The following BCL2 variants were observed in gnomAD, a reference collection of about 807,000 sequenced individuals.
BCL2 encodes apoptosis regulator Bcl-2.
A neutral mutation model predicts 14.2 loss-of-function variants in BCL2; 1 was observed. The observed-to-expected ratio is 0.07, with a 90% CI of 0.02 to 0.33. BCL2 has a LOEUF of 0.33. Among genes scored for constraint, BCL2 ranks in the 10% least tolerant of loss-of-function variants. The pLI is 0.99. For synonymous variants in BCL2, 151 were observed against 137.2 expected (o/e 1.10, Z -0.70); for missense variants, 247 against 305.9 (o/e 0.81, Z 1.44).
At chr18:63,169,444 T>C (rs1915172062) in intron 2 of BCL2, among the ~76,000 whole-genome samples, 1 of 147,408 alleles carries the variant, frequency 6.8e-6, no homozygotes, top group Non-Finnish European at 1.5e-5. Flanking sequence ...TTTCTTTCTT[T>C]CCTTTCTCCC....
Position 63,318,899 on chromosome 18 carries a change from AG to A in BCL2, c.-234del. On this transcript the variant is annotated 5_prime_UTR_variant, in exon 2 of 3. Transcript: ENST00000333681. This position sits in a 1 kb window ranked among gnomAD's most constrained non-coding sequence, Gnocchi z 7.4. ...ATTCCTTTCGGATCTTTATTTCATG[AG>A]GCACGTTATTATTAGTAAGTATTGT... The A allele has an allele frequency of 7.1e-7, 1 of 1,412,060 alleles. No homozygotes were observed. The allele number at this position is 1,412,060 out of a possible 1,614,324, so 87.5% of individuals were successfully genotyped here.
intron 2 of BCL2, among the ~76,000 whole-genome samples, chr18:63,310,943 G>C (rs1913298525): frequency 6.6e-6 from 1 of 151,894 alleles, no homozygotes; most frequent in Non-Finnish European, 1.5e-5. Flanking sequence ...GATGCTGGCA[G>C]GAATCCATAA....
chr18:63,259,284 A>T (rs4987746), intron 2 of BCL2, among the ~76,000 whole-genome samples: 73,358 of 152,248 alleles, frequency 0.48, 18,001 homozygotes, highest in East Asian at 0.66. Context: ...ACAGAAAGAA[A>T]GCGGGCAGCG....
chr18:63,157,540 G>C (rs1254470891), intron 2 of BCL2, among the ~76,000 whole-genome samples: 1 of 152,216 alleles, frequency 6.6e-6, no homozygotes, highest in South Asian at 2.1e-4. Context: ...AGCGTTCGCT[G>C]TTTTCAGCGT....
rs1913829016 is a variant in BCL2 at position 63,123,521 on chromosome 18, A to G, written c.*5104T>C. 1 of 207,702 alleles carries G rather than the reference A, an allele frequency of 4.8e-6. No homozygotes were observed. The highest frequency in any genetic ancestry group is 7.3e-5 in the East Asian group (1 of 13,776). The allele number at this position is 207,702 out of a possible 1,614,324, so 12.9% of individuals were successfully genotyped here. On this transcript the variant is annotated 3_prime_UTR_variant, in exon 3 of 3. Coordinates refer to ENST00000333681, the MANE Select transcript of BCL2 (RefSeq NM_000633.3). Reference sequence around the variant, plus strand: ...GTAAAGTATCCTTACCGTATTTTTTATGTGTACAGTGTTGCAGAATATCAG... The same window carrying G: ...GTAAAGTATCCTTACCGTATTTTTTGTGTGTACAGTGTTGCAGAATATCAG...
intron 2 of BCL2, among the ~76,000 whole-genome samples, chr18:63,198,273 CAG>C (rs141062856): frequency 0.024 from 3,550 of 150,066 alleles, 59 homozygotes; most frequent in Non-Finnish European, 0.034. Flanking sequence ...CACACTGACA[CAG>C]AGACACACAT....
Position 63,125,140 on chromosome 18 carries a change from C to T in BCL2, c.*3485G>A, listed in dbSNP as rs546195385. 4.5e-6 allele frequency: 1 copy of T among 221,098 alleles called. No homozygotes were observed. The highest frequency in any genetic ancestry group is 1.8e-4 in the South Asian group (1 of 5,438). 13.7% of individuals were successfully genotyped at this position (221,098 alleles called of 1,614,324 possible). A position where few individuals can be genotyped will look rare whatever the true frequency, so the allele number is the denominator to read the frequency against. On this transcript the variant is annotated 3_prime_UTR_variant, in exon 3 of 3. Transcript: ENST00000333681. ...ATTTATAATCACTTCCTAATTTTTC[C>T]CACTGGGCCAGAGCTACATCTTTAG... is the stretch of plus-strand genomic sequence containing the variant.
At chr18:63,253,997 T>C (rs1365590247) in intron 2 of BCL2, among the ~76,000 whole-genome samples, 6 of 151,952 alleles carry the variant, frequency 3.9e-5, no homozygotes, top group African/African-American at 1.4e-4. Flanking sequence ...TTGAAATACA[T>C]ATAAAGTTAG....
chr18:63,220,819 G>GGA (rs1555701217), intron 2 of BCL2, among the ~76,000 whole-genome samples: 1 of 137,704 alleles, frequency 7.3e-6, no homozygotes, highest in Non-Finnish European at 1.6e-5. Flanking sequence ...TCTTCAAGGA[G>GGA]AAAAAAAAAA....
chr18:63,315,472 C>G (rs1019407310), intron 2 of BCL2: 8 of 152,196 alleles, frequency 5.3e-5, no homozygotes, highest in African/African-American at 1.4e-4. Flanking sequence ...ATTTCCTCAG[C>G]CTCACAAGGT....
chr18:63,158,340 T>C lies in BCL2; in HGVS notation c.586-29581A>G, dbSNP rs78549433. Among the ~76,000 whole-genome samples, 143 of 152,314 alleles carry C rather than the reference T, an allele frequency of 9.4e-4. 3 individuals carry two copies. The East Asian group carries it at 0.025, about 27-fold the overall frequency. Reference sequence around the variant, plus strand: ...AAGGCAGAAATAACCTGGTACTTTTTACCTGGTGGCCGAGTGACCTGGCCC... The same window carrying C: ...AAGGCAGAAATAACCTGGTACTTTTCACCTGGTGGCCGAGTGACCTGGCCC... On this transcript the variant is annotated intron_variant, in intron 2 of 2. Coordinates refer to ENST00000333681, the MANE Select transcript of BCL2 (RefSeq NM_000633.3).
intron 2 of BCL2, among the ~76,000 whole-genome samples, chr18:63,148,177 C>T (rs572548398): frequency 1.5e-4 from 23 of 152,170 alleles, no homozygotes; most frequent in Middle Eastern, 3.4e-3. Context: ...GTATGAAGAA[C>T]GAGGAATGAG....
chr18:63,311,285 C>G (rs1913310442), intron 2 of BCL2, among the ~76,000 whole-genome samples: 1 of 152,072 alleles, frequency 6.6e-6, no homozygotes, highest in African/African-American at 2.4e-5. Context: ...AAATATCATC[C>G]TGGTTATCTG....
chr18:63,164,625 T>C (rs756132680), intron 2 of BCL2, among the ~76,000 whole-genome samples: 2 of 152,266 alleles, frequency 1.3e-5, no homozygotes, highest in Non-Finnish European at 1.5e-5. Context: ...CCAGTGTCTG[T>C]AGTAGAAGAT....
chr18:63,195,586 CT>C (rs1456854952), intron 2 of BCL2, among the ~76,000 whole-genome samples: 1 of 152,048 alleles, frequency 6.6e-6, no homozygotes, highest in African/African-American at 2.4e-5. Flanking sequence ...CACTTGGGAC[CT>C]TTTTATTACA....
chr18:63,132,564 A>G (rs1914095549), intron 2 of BCL2, among the ~76,000 whole-genome samples: 1 of 152,184 alleles, frequency 6.6e-6, no homozygotes, highest in African/African-American at 2.4e-5. Flanking sequence ...TTCTTTACAC[A>G]TTATTAGAGT....
At chr18:63,259,336 C>T (rs1282879337) in intron 2 of BCL2, among the ~76,000 whole-genome samples, 1 of 152,238 alleles carries the variant, frequency 6.6e-6, no homozygotes, top group East Asian at 1.9e-4. Flanking sequence ...AAGCAGAATG[C>T]AAAAGGCAAA....
chr18:63,169,233 T>A (rs1272935665), intron 2 of BCL2, among the ~76,000 whole-genome samples: 2 of 151,010 alleles, frequency 1.3e-5, no homozygotes, highest in African/African-American at 4.9e-5. Context: ...ACAGAATAGT[T>A]TTTCCCCTTC....
chr18:63,310,386 C>G (rs1163946857), intron 2 of BCL2, among the ~76,000 whole-genome samples: 8 of 152,202 alleles, frequency 5.3e-5, no homozygotes, highest in Non-Finnish European at 1.2e-4. Flanking sequence ...CTCCAGTTTC[C>G]ACTACCTGAA....
Sources: gnomAD v4.1 joint callset for allele counts (sites outside exome capture counted in the v4.1 genomes callset) on GRCh38, gnomAD v4.1.1 for gene constraint, Gnocchi (gnomAD v3.1) non-coding constraint, MANE v1.5 for transcripts, NCBI Gene and HGNC (gene_info 2026-07-23, HGNC 2026-07-21) for gene names.